The following PDE7B variants were observed in gnomAD, a reference collection of about 807,000 sequenced individuals.
PDE7B encodes the protein 3',5'-cyclic-AMP phosphodiesterase 7B.
PDE7B carries 29 observed loss-of-function variants against 56.2 expected under a neutral mutation model. That is an observed-to-expected ratio of 0.52 (90% confidence interval 0.38 to 0.70). The LOEUF (loss-of-function observed/expected upper bound fraction) is 0.70, where lower values mean the gene tolerates loss of function less well. Among genes scored for constraint, PDE7B ranks in the 30% least tolerant of loss-of-function variants. The pLI, the probability that PDE7B is intolerant of heterozygous loss-of-function variation, is 0.00. For synonymous variants in PDE7B, 197 were observed against 196.9 expected, an observed-to-expected ratio of 1.00 and a Z score of 0.00; for missense variants, 490 against 565.0, an observed-to-expected ratio of 0.87 and a Z score of 1.35.
chr6:136,036,278 G>A (rs1159625809), intron 2 of PDE7B, among the ~76,000 whole-genome samples: 2 of 152,136 alleles, frequency 1.3e-5, no homozygotes, highest in Admixed American at 6.5e-5. Context: ...TTCTAATCAA[G>A]TAGACCGCTG....
chr6:135,964,919 A>T (rs1378690005), intron 2 of PDE7B, among the ~76,000 whole-genome samples: 1 of 152,224 alleles, frequency 6.6e-6, no homozygotes. Context: ...AGGTGGGTGG[A>T]TCACCTGAGC....
chr6:136,144,222 CTTCTT>C (rs1291266641), intron 3 of PDE7B, among the ~76,000 whole-genome samples: 3 of 151,344 alleles, frequency 2.0e-5, no homozygotes, highest in Admixed American at 6.6e-5. Flanking sequence ...CATTTTTTCT[CTTCTT>C]AAATTTTTTA....
intron 2 of PDE7B, among the ~76,000 whole-genome samples, chr6:136,057,679 T>C (rs1776761567): frequency 6.6e-6 from 1 of 152,210 alleles, no homozygotes; most frequent in South Asian, 2.1e-4. Context: ...ACCCATGTCA[T>C]CACAAAGCTT....
At chr6:135,996,932 C>T (rs889982148) in intron 2 of PDE7B, among the ~76,000 whole-genome samples, 7 of 151,994 alleles carry the variant, frequency 4.6e-5, no homozygotes, top group Non-Finnish European at 1.5e-5. Flanking sequence ...GAGTATAGTC[C>T]ATTGGAGATA....
At chr6:136,028,033 C>G (rs1776182872) in intron 2 of PDE7B, among the ~76,000 whole-genome samples, 1 of 152,184 alleles carries the variant, frequency 6.6e-6, no homozygotes, top group Admixed American at 6.5e-5. Context: ...GTCTCTCCAC[C>G]AAACTTGTAA....
intron 2 of PDE7B, among the ~76,000 whole-genome samples, chr6:136,024,827 G>A (rs919098389): frequency 3.9e-5 from 6 of 152,184 alleles, no homozygotes; most frequent in African/African-American, 1.4e-4. Context: ...AAGCCCCCAA[G>A]AAATGCCAAC....
At chr6:135,869,697 T>A (rs1489085750) in intron 1 of PDE7B, among the ~76,000 whole-genome samples, 1 of 152,210 alleles carries the variant, frequency 6.6e-6, no homozygotes, top group Non-Finnish European at 1.5e-5. Flanking sequence ...TTGCTGGCTG[T>A]GGAGACTTGG....
intron 2 of PDE7B, among the ~76,000 whole-genome samples, chr6:135,966,766 T>TACACATTTAAAAAA (rs1775003729): frequency 6.6e-6 from 1 of 152,150 alleles, no homozygotes; most frequent in African/African-American, 2.4e-5. Flanking sequence ...AAGGAAAAAT[T>TACACATTTAAAAAA]TGTGTGAATT....
intron 2 of PDE7B, among the ~76,000 whole-genome samples, chr6:135,988,785 GC>G (rs1775425693): frequency 6.6e-6 from 1 of 152,118 alleles, no homozygotes; most frequent in Non-Finnish European, 1.5e-5. Context: ...TGTCACTGTT[GC>G]TTTGTTTTGT....
rs774073666 is a variant in PDE7B at position 136,108,747 on chromosome 6, G to A, written c.99G>A (p.Arg33=). 3 of 1,609,470 alleles carry A rather than the reference G, an allele frequency of 1.9e-6. No individual in the cohort carries two copies. Among genetic ancestry groups the A allele is most frequent in the African/African-American group, 1.3e-5 (1 of 74,778 alleles). Reference sequence around the variant, plus strand: ...GTTTTCTAGGAGATATACGACTAAGGGGTCAGACGGGGGTTCGTGCTGAAC... The same window carrying A: ...GTTTTCTAGGAGATATACGACTAAGAGGTCAGACGGGGGTTCGTGCTGAAC... ...CVCMLGDIRL[R]GQTGVRAERR... is the part of the protein sequence containing the mutation. The change falls in exon 3 of 13, where the codon AGG becomes AGA. Residue 33 remains arginine (R), a synonymous_variant. Transcript: ENST00000308191.
At chr6:136,030,344 A>G (rs376585368) in intron 2 of PDE7B, among the ~76,000 whole-genome samples, 15 of 152,306 alleles carry the variant, frequency 9.8e-5, no homozygotes, top group Admixed American at 4.6e-4. Flanking sequence ...TTCTGGCATC[A>G]TTTTCCCATA....
intron 2 of PDE7B, among the ~76,000 whole-genome samples, chr6:136,031,307 G>A (rs914962206): frequency 2.0e-5 from 3 of 152,116 alleles, no homozygotes; most frequent in African/African-American, 2.4e-5. Flanking sequence ...CTCAGGTCCC[G>A]GCCAGACTTC....
chr6:136,166,850 A>G (rs563179798), intron 8 of PDE7B, among the ~76,000 whole-genome samples: 2 of 152,204 alleles, frequency 1.3e-5, no homozygotes, highest in Admixed American at 6.5e-5. Context: ...AATGTAAGTC[A>G]TAATTTTACT....
intron 3 of PDE7B, among the ~76,000 whole-genome samples, chr6:136,116,916 A>T (rs751996620): frequency 7.2e-5 from 11 of 152,188 alleles, no homozygotes; most frequent in Non-Finnish European, 1.5e-4. Context: ...AAATCCCACA[A>T]AGAAATTAGT....
intron 1 of PDE7B, among the ~76,000 whole-genome samples, chr6:135,885,387 G>T: frequency 6.6e-6 from 1 of 150,882 alleles, no homozygotes. Flanking sequence ...TCTGCATAAT[G>T]GTGTGCACCT....
intron 3 of PDE7B, among the ~76,000 whole-genome samples, chr6:136,113,237 A>G (rs984000996): frequency 2.6e-5 from 4 of 152,226 alleles, no homozygotes; most frequent in African/African-American, 9.6e-5. Flanking sequence ...GTGTGTGTAT[A>G]TATACATATA....
chr6:136,036,123 T>C (rs1776322531), intron 2 of PDE7B, among the ~76,000 whole-genome samples: 1 of 152,184 alleles, frequency 6.6e-6, no homozygotes, highest in Non-Finnish European at 1.5e-5. Flanking sequence ...AATAAAATCA[T>C]CTCAATCCTA....
intron 2 of PDE7B, among the ~76,000 whole-genome samples, chr6:135,981,629 T>C (rs912246491): frequency 6.6e-6 from 1 of 150,588 alleles, no homozygotes; most frequent in Admixed American, 6.6e-5. Context: ...AATATCACTG[T>C]CTTCCACCTC....
At chr6:135,924,474 G>A (rs1194037454) in intron 1 of PDE7B, among the ~76,000 whole-genome samples, 5 of 152,154 alleles carry the variant, frequency 3.3e-5, no homozygotes, top group African/African-American at 9.7e-5. Flanking sequence ...GCAAGGTGAC[G>A]TGTCCGAAGT....
Sources: gnomAD v4.1 joint callset for allele counts (sites outside exome capture counted in the v4.1 genomes callset) on GRCh38, gnomAD v4.1.1 for gene constraint, MANE v1.5 for transcripts, NCBI Gene and HGNC (gene_info 2026-07-23, HGNC 2026-07-21) for gene names.